CHRM3: variants seen among roughly 807,000 people sequenced by gnomAD.
CHRM3 encodes cholinergic receptor muscarinic 3.
CHRM3 carries 11 observed loss-of-function variants against 41.8 expected under a neutral mutation model. The ratio of observed to expected loss-of-function variants is 0.26; its 90% CI spans 0.17 to 0.44. The LOEUF (loss-of-function observed/expected upper bound fraction) is 0.44. Among genes scored for constraint, CHRM3 ranks in the 20% least tolerant of loss-of-function variants. The pLI, the probability that CHRM3 is intolerant of heterozygous loss-of-function variation, is 1.00. For missense variants in CHRM3, 571 were observed against 745.4 expected, an observed-to-expected ratio of 0.77 and a Z score of 2.72; for synonymous variants, 297 against 301.4, an observed-to-expected ratio of 0.99 and a Z score of 0.15.
At chr1:239,779,560 C>T (rs918280936) in intron 5 of CHRM3, among the ~76,000 whole-genome samples, 3 of 152,168 alleles carry the variant, frequency 2.0e-5, no homozygotes, top group African/African-American at 4.8e-5. Flanking sequence ...ATGGCAAAAC[C>T]GCGTCTCTAC....
chr1:239,639,675 G>C (rs1670885398), intron 4 of CHRM3, among the ~76,000 whole-genome samples: 1 of 151,610 alleles, frequency 6.6e-6, no homozygotes, highest in Non-Finnish European at 1.5e-5. Context: ...TGAGACAATG[G>C]GGTTTTCTAG....
At chr1:239,464,202 C>T (rs1219141557) in intron 1 of CHRM3, among the ~76,000 whole-genome samples, 5 of 151,526 alleles carry the variant, frequency 3.3e-5, no homozygotes, top group African/African-American at 1.2e-4. Context: ...ATCACTTGAA[C>T]CCAGGAAGCA....
chr1:239,810,187 C>T (rs1671008855), intron 5 of CHRM3, among the ~76,000 whole-genome samples: 3 of 152,134 alleles, frequency 2.0e-5, no homozygotes, highest in Non-Finnish European at 1.5e-5. Flanking sequence ...CTTTTGCATT[C>T]CCTAGGGCCG....
At chr1:239,514,132 G>A (rs1488869640) in intron 2 of CHRM3, among the ~76,000 whole-genome samples, 4 of 152,010 alleles carry the variant, frequency 2.6e-5, no homozygotes, top group Non-Finnish European at 5.9e-5. Context: ...TTGCCTCTCT[G>A]TATAAATTAT....
At chr1:239,554,693 C>G (rs1660187393) in intron 3 of CHRM3, among the ~76,000 whole-genome samples, 1 of 150,498 alleles carries the variant, frequency 6.6e-6, no homozygotes, top group South Asian at 2.1e-4. Flanking sequence ...TGATAAAATA[C>G]CTATTGTAAT....
intron 4 of CHRM3, among the ~76,000 whole-genome samples, chr1:239,668,924 A>T (rs1184501999): frequency 1.3e-5 from 2 of 152,248 alleles, no homozygotes; most frequent in Non-Finnish European, 2.9e-5. Flanking sequence ...CACCGCACTA[A>T]GAAACTGAAA....
intron 5 of CHRM3, among the ~76,000 whole-genome samples, chr1:239,751,792 A>G (rs1665853951): frequency 6.6e-6 from 1 of 152,212 alleles, no homozygotes; most frequent in African/African-American, 2.4e-5. Flanking sequence ...TCTACCTGAT[A>G]AGATTCGTGG....
At chr1:239,703,596 T>C (rs191991807) in intron 5 of CHRM3, 3 of 152,282 alleles carry the variant, frequency 2.0e-5, no homozygotes, top group Non-Finnish European at 2.9e-5. Flanking sequence ...AGGGTAAAAA[T>C]TGTTTAATCA....
At chr1:239,727,024 A>T (rs1663500853) in intron 5 of CHRM3, among the ~76,000 whole-genome samples, 1 of 151,910 alleles carries the variant, frequency 6.6e-6, no homozygotes, top group Admixed American at 6.6e-5. Flanking sequence ...ATTTACAAAA[A>T]TCATTTAAGC....
intron 5 of CHRM3, among the ~76,000 whole-genome samples, chr1:239,740,968 C>T (rs1664798709): frequency 6.6e-6 from 1 of 152,092 alleles, no homozygotes; most frequent in Non-Finnish European, 1.5e-5. Flanking sequence ...TTAGCTTAAT[C>T]TCATCATTCC....
chr1:239,761,264 A>G (rs1666749385), intron 5 of CHRM3, among the ~76,000 whole-genome samples: 3 of 152,064 alleles, frequency 2.0e-5, no homozygotes, highest in South Asian at 4.2e-4. Context: ...GATTTTCCTT[A>G]TCATGTTTGT....
At chr1:239,496,848 A>G (rs565592900) in intron 2 of CHRM3, among the ~76,000 whole-genome samples, 36 of 152,232 alleles carry the variant, frequency 2.4e-4, no homozygotes, top group Non-Finnish European at 4.3e-4. Context: ...CCCTACCTCA[A>G]CAATTGCCTT....
At chr1:239,545,828 A>G (rs1659233693) in intron 3 of CHRM3, 79 bp downstream of exon 3, 1 of 152,168 alleles carries the variant, frequency 6.6e-6, no homozygotes, top group South Asian at 2.1e-4. Flanking sequence ...TTATAATGAA[A>G]AATGTGTAAA....
chr1:239,660,335 C>A (rs1053830773), intron 4 of CHRM3, among the ~76,000 whole-genome samples: 16 of 152,188 alleles, frequency 1.1e-4, no homozygotes, highest in South Asian at 4.2e-4. Context: ...GTTACTTTTA[C>A]TTTTCTACTT....
At chr1:239,831,383 C>T (rs891083586) in intron 6 of CHRM3, among the ~76,000 whole-genome samples, 1 of 152,166 alleles carries the variant, frequency 6.6e-6, no homozygotes, top group Non-Finnish European at 1.5e-5. Flanking sequence ...TCAAAGCCCT[C>T]TCTGCCAAGT....
intron 5 of CHRM3, among the ~76,000 whole-genome samples, chr1:239,711,489 A>G (rs958328393): frequency 4.6e-5 from 7 of 152,056 alleles, no homozygotes; most frequent in Admixed American, 6.6e-5. Flanking sequence ...TACGATATTA[A>G]TATTAAATAG....
At chr1:239,458,972 A>C (rs1665161989) in intron 1 of CHRM3, among the ~76,000 whole-genome samples, 1 of 152,152 alleles carries the variant, frequency 6.6e-6, no homozygotes, top group South Asian at 2.1e-4. Flanking sequence ...ATGAAATGGC[A>C]CATTGTATTG....
At chr1:239,735,028 C>G (rs1181822423) in intron 5 of CHRM3, among the ~76,000 whole-genome samples, 1 of 152,028 alleles carries the variant, frequency 6.6e-6, no homozygotes, top group East Asian at 1.9e-4. Flanking sequence ...TATGTTAGAA[C>G]AGGAAAAGAA....
intron 1 of CHRM3, among the ~76,000 whole-genome samples, chr1:239,464,785 C>A (rs561011327): frequency 6.6e-6 from 1 of 152,098 alleles, no homozygotes; most frequent in East Asian, 1.9e-4. Flanking sequence ...GCCAAGCCAC[C>A]CCATAAAAAG....
Sources: gnomAD v4.1 joint callset for allele counts (sites outside exome capture counted in the v4.1 genomes callset) on GRCh38, gnomAD v4.1.1 for gene constraint, MANE v1.5 for transcripts, NCBI Gene and HGNC (gene_info 2026-07-23, HGNC 2026-07-21) for gene names.